Variants in MITF observed in about 807,000 individuals in gnomAD.
MITF encodes melanocyte inducing transcription factor, also known as microphthalmia-associated transcription factor.
Under a neutral mutation model 60.5 loss-of-function variants are expected in MITF, and 17 were observed. The observed-to-expected ratio is 0.28, with a 90% CI of 0.19 to 0.42. MITF has a LOEUF of 0.42. Among genes scored for constraint, MITF ranks in the 10% least tolerant of loss-of-function variants. The pLI, the probability that MITF is intolerant of heterozygous loss-of-function variation, is 1.00. For synonymous variants in MITF, 260 were observed against 248.5 expected (o/e 1.05, Z -0.43); for missense variants, 622 against 683.5 (o/e 0.91, Z 1.00).
At chr3:69,879,840 G>T (rs2107280875) in intron 2 of MITF, among the ~76,000 whole-genome samples, 1 of 152,284 alleles carries the variant, frequency 6.6e-6, no homozygotes, top group Non-Finnish European at 1.5e-5. Context: ...GATTGAAGAA[G>T]AGCTTTCTGC....
chr3:69,909,370 G>A (rs2065173498), intron 2 of MITF, among the ~76,000 whole-genome samples: 1 of 152,142 alleles, frequency 6.6e-6, no homozygotes, highest in Non-Finnish European at 1.5e-5. Context: ...GTCTTTATCA[G>A]CAGTGTGAAA....
rs545345533 is a variant in MITF at position 69,819,804 on chromosome 3, A to C, written c.105-59330A>C. Among the ~76,000 whole-genome samples the C allele has an allele frequency of 4.6e-5, 7 of 152,186 alleles. No individual in the cohort carries two copies. In the East Asian group the frequency reaches 1.4e-3, roughly 29 times the overall value. On this transcript the variant is annotated intron_variant, in intron 1 of 9. Transcript: ENST00000352241. ...TGGTGAAACCTCGTCTCTACTAAAAAAAAGTACAAAAAAAGCTGGGAGTGA... is the reference window on the plus strand; with the variant it reads ...TGGTGAAACCTCGTCTCTACTAAAACAAAGTACAAAAAAAGCTGGGAGTGA...
chr3:69,772,919 G>T (rs866418013), intron 1 of MITF, among the ~76,000 whole-genome samples: 2 of 152,272 alleles, frequency 1.3e-5, no homozygotes, highest in Middle Eastern at 6.8e-3. Context: ...TTGTATTCAT[G>T]GAACTTACAT....
intron 1 of MITF, among the ~76,000 whole-genome samples, chr3:69,768,220 GACA>G (rs1327704326): frequency 1.3e-5 from 2 of 152,170 alleles, no homozygotes; most frequent in Non-Finnish European, 2.9e-5. Context: ...TTTATAGTCT[GACA>G]ACATGTTCTC....
intron 2 of MITF, among the ~76,000 whole-genome samples, chr3:69,906,167 T>C (rs1240204030): frequency 6.6e-6 from 1 of 152,204 alleles, no homozygotes; most frequent in East Asian, 1.9e-4. Flanking sequence ...AAGGGTTTTT[T>C]GTAAATATGG....
intron 1 of MITF, 108 bp downstream of exon 1, chr3:69,739,809 G>C: frequency 1.2e-6 from 1 of 813,660 alleles, no homozygotes; most frequent in Non-Finnish European, 2.1e-6. Context: ...CAAGGACCCA[G>C]TGCCCTTGCC....
intron 1 of MITF, among the ~76,000 whole-genome samples, chr3:69,851,588 A>T (rs1240580192): frequency 6.6e-6 from 1 of 152,232 alleles, no homozygotes; most frequent in African/African-American, 2.4e-5. Flanking sequence ...TTCCATTTAT[A>T]TGACATCCTG....
chr3:69,952,024 G>T, intron 7 of MITF, 138 bp downstream of exon 7: 1 of 703,260 alleles, frequency 1.4e-6, no homozygotes, highest in Non-Finnish European at 2.6e-6. Flanking sequence ...AATTGTATTT[G>T]ACAGAAACCA....
At chr3:69,881,269 G>A (rs940296556) in intron 2 of MITF, among the ~76,000 whole-genome samples, 3 of 151,880 alleles carry the variant, frequency 2.0e-5, no homozygotes, top group African/African-American at 7.2e-5. Context: ...ATAAGTATTA[G>A]GTAAATTTCT....
chr3:69,780,121 T>C (rs1244389212), intron 1 of MITF, among the ~76,000 whole-genome samples: 1 of 152,040 alleles, frequency 6.6e-6, no homozygotes, highest in African/African-American at 2.4e-5. Flanking sequence ...GTAAGTACTA[T>C]AGGGGTTAAA....
intron 2 of MITF, chr3:69,936,858 A>G: frequency 9.4e-7 from 1 of 1,060,020 alleles, no homozygotes; most frequent in African/African-American, 1.6e-5. Context: ...TTCAATAAGT[A>G]TAAATCTGCT....
intron 1 of MITF, among the ~76,000 whole-genome samples, chr3:69,772,708 C>A (rs1301328740): frequency 6.6e-6 from 1 of 152,102 alleles, no homozygotes; most frequent in African/African-American, 2.4e-5. Flanking sequence ...GACACCCATG[C>A]CACCAGCTGC....
rs2107276076 is a variant in MITF at position 69,879,171 on chromosome 3, A to C, written c.142A>C (p.Ile48Leu). The stretch of plus-strand genomic sequence containing the variant: ...GCATCCTGGGGCCTCCAAGCCTCCG[A>C]TAAGCTCCTCCAGTATGACATCACG... ...AEHPGASKPP[I>L]SSSSMTSRIL... Residue 48 changes from isoleucine to leucine, a missense_variant, in exon 2 of 10, where the codon ATA becomes CTA. Around this residue, in one of 5 missense-constraint regions of MITF, gnomAD observed 149 missense variants for 157.8 expected, o/e 0.94. Coordinates refer to ENST00000352241, the MANE Select transcript of MITF (RefSeq NM_001354604.2). 1 of 1,614,218 alleles carries C rather than the reference A, an allele frequency of 6.2e-7. No individual in the cohort carries two copies. Among genetic ancestry groups the C allele is most frequent in the South Asian group, 1.1e-5 (1 of 91,086 alleles).
At chr3:69,849,126 G>A (rs1383374068) in intron 1 of MITF, among the ~76,000 whole-genome samples, 1 of 151,054 alleles carries the variant, frequency 6.6e-6, no homozygotes, top group Admixed American at 6.6e-5. Context: ...CACTACGCCC[G>A]GCTAATTTTT....
chr3:69,903,757 C>G (rs1005786771), intron 2 of MITF, among the ~76,000 whole-genome samples: 15 of 152,132 alleles, frequency 9.9e-5, no homozygotes, highest in Admixed American at 6.5e-5. Context: ...TTCTAGAAAT[C>G]ATAGCTTCTG....
intron 9 of MITF, among the ~76,000 whole-genome samples, chr3:69,960,786 C>T (rs2066522648): frequency 6.6e-6 from 1 of 152,204 alleles, no homozygotes; most frequent in African/African-American, 2.4e-5. Flanking sequence ...GGACGTTGAA[C>T]TTTTCAAACA....
At chr3:69,849,635 C>A (rs1372151958) in intron 1 of MITF, among the ~76,000 whole-genome samples, 2 of 152,158 alleles carry the variant, frequency 1.3e-5, no homozygotes, top group African/African-American at 4.8e-5. Context: ...ATGGGAAGAG[C>A]TTGGAATTGA....
chr3:69,932,562 T>G (rs1180706101), intron 2 of MITF, among the ~76,000 whole-genome samples: 1 of 152,204 alleles, frequency 6.6e-6, no homozygotes, highest in Non-Finnish European at 1.5e-5. Flanking sequence ...TTGCTTTGTA[T>G]TTGCATCTGA....
intron 1 of MITF, among the ~76,000 whole-genome samples, chr3:69,817,161 A>G (rs889898796): frequency 4.6e-5 from 7 of 152,166 alleles, no homozygotes; most frequent in African/African-American, 1.7e-4. Flanking sequence ...TTATATCTTT[A>G]ATGTTTTGCT....
Sources: gnomAD v4.1 joint callset for allele counts (sites outside exome capture counted in the v4.1 genomes callset) on GRCh38, gnomAD v4.1.1 for gene constraint, gnomAD v4.1.1 regional missense constraint, MANE v1.5 for transcripts, NCBI Gene and HGNC (gene_info 2026-07-23, HGNC 2026-07-21) for gene names.